The following SDK1 variants were observed in gnomAD, a reference collection of about 807,000 sequenced individuals.
The protein encoded by SDK1 is sidekick cell adhesion molecule 1.
In SDK1, 157 loss-of-function variants were observed where a neutral mutation model predicts 245.5. The observed-to-expected ratio is 0.64, with a 90% CI of 0.56 to 0.73. The LOEUF (loss-of-function observed/expected upper bound fraction) is 0.73, where lower values mean the gene tolerates loss of function less well. Among genes scored for constraint, SDK1 ranks in the 30% least tolerant of loss-of-function variants. SDK1 has a pLI of 0.00. For synonymous variants in SDK1, 1,647 were observed against 1,278.5 expected (o/e 1.29, Z -6.15); for missense variants, 3,583 against 3,002.3 (o/e 1.19, Z -4.52).
At chr7:3,459,796 G>A (rs984842871) in intron 1 of SDK1, among the ~76,000 whole-genome samples, 7 of 152,120 alleles carry the variant, frequency 4.6e-5, no homozygotes, top group South Asian at 4.2e-4. Flanking sequence ...CTGGGGTAGG[G>A]GCCTTCCCTT....
At chr7:4,090,772 A>C (rs148182894) in intron 22 of SDK1, among the ~76,000 whole-genome samples, 37 of 152,334 alleles carry the variant, frequency 2.4e-4, no homozygotes, top group African/African-American at 7.2e-4. Context: ...CACTGCTCCC[A>C]GCTAGGAAAT....
At chr7:4,059,968 C>T (rs1397424672) in intron 19 of SDK1, among the ~76,000 whole-genome samples, 1 of 151,876 alleles carries the variant, frequency 6.6e-6, no homozygotes, top group African/African-American at 2.4e-5. Context: ...CAAGCTCCGC[C>T]TCCCAGGTTC....
At chr7:3,466,693 G>C (rs1170435185) in intron 1 of SDK1, among the ~76,000 whole-genome samples, 1 of 151,126 alleles carries the variant, frequency 6.6e-6, no homozygotes, top group Admixed American at 6.6e-5. Flanking sequence ...TTCTTTTGTA[G>C]CATTTGCTAA....
intron 4 of SDK1, among the ~76,000 whole-genome samples, chr7:3,714,351 G>A (rs1785137984): frequency 6.6e-6 from 1 of 152,174 alleles, no homozygotes; most frequent in Non-Finnish European, 1.5e-5. Context: ...TGTGAAAGGA[G>A]CTTTAGAATG....
At chr7:3,456,541 GTTCT>G (rs1178403425) in intron 1 of SDK1, among the ~76,000 whole-genome samples, 4 of 151,992 alleles carry the variant, frequency 2.6e-5, no homozygotes, top group Admixed American at 2.6e-4. Context: ...GTATTTTTCA[GTTCT>G]TTAACTTTCA....
At position 4,013,585 on chromosome 7, in the gene SDK1, C is replaced by T. The variant is rs115153849; in HGVS notation, c.2420+1350C>T. Reference sequence around the variant, plus strand: ...CATTATCCTTGTGTATGAAGGGCAACGCCTTCCCTGTATATATGTGTATAG... The same window carrying T: ...CATTATCCTTGTGTATGAAGGGCAATGCCTTCCCTGTATATATGTGTATAG... On this transcript the variant is annotated intron_variant, in intron 16 of 44. Coordinates refer to ENST00000404826, the MANE Select transcript of SDK1 (RefSeq NM_152744.4). 4.8e-3 allele frequency among the ~76,000 whole-genome samples: 733 copies of T among 152,308 alleles called. 7 individuals are homozygous for T. Among genetic ancestry groups the T allele is most frequent in the African/African-American group, 0.017 (690 of 41,568 alleles).
intron 4 of SDK1, among the ~76,000 whole-genome samples, chr7:3,782,388 A>G (rs1406125451): frequency 6.6e-6 from 1 of 152,158 alleles, no homozygotes; most frequent in Non-Finnish European, 1.5e-5. Context: ...ATCAGGCCTC[A>G]CCTCCAAGAA....
At chr7:4,129,697 A>T in intron 26 of SDK1, 1 of 1,398,646 alleles carries the variant, frequency 7.1e-7, no homozygotes, top group South Asian at 1.6e-5. Context: ...GCACTAACTC[A>T]AGCTCCCCTG....
chr7:3,432,722 C>T (rs878929045), intron 1 of SDK1, among the ~76,000 whole-genome samples: 8 of 152,170 alleles, frequency 5.3e-5, no homozygotes, highest in East Asian at 3.9e-4. Context: ...TTGATTGATC[C>T]GGTTGTGAAA....
intron 1 of SDK1, among the ~76,000 whole-genome samples, chr7:3,352,664 T>A (rs974305549): frequency 9.9e-5 from 15 of 152,198 alleles, no homozygotes; most frequent in Non-Finnish European, 1.9e-4. Flanking sequence ...ATACACTGTT[T>A]GGGGTTTTAC....
At chr7:3,762,071 A>G (rs964330635) in intron 4 of SDK1, among the ~76,000 whole-genome samples, 4 of 152,250 alleles carry the variant, frequency 2.6e-5, no homozygotes, top group African/African-American at 7.2e-5. Flanking sequence ...CAAATTATTT[A>G]TAGAGGTTAA....
At chr7:3,714,497 C>T (rs1213826891) in intron 4 of SDK1, among the ~76,000 whole-genome samples, 1 of 152,116 alleles carries the variant, frequency 6.6e-6, no homozygotes, top group Non-Finnish European at 1.5e-5. Flanking sequence ...AAGTTTATCC[C>T]ATTTGCTCAT....
intron 38 of SDK1, among the ~76,000 whole-genome samples, chr7:4,219,077 C>T (rs1784994730): frequency 6.6e-6 from 1 of 152,140 alleles, no homozygotes. Context: ...TTATAACATC[C>T]CATAGGTTTG....
chr7:3,412,471 G>A (rs777883579), intron 1 of SDK1, among the ~76,000 whole-genome samples: 6 of 152,094 alleles, frequency 3.9e-5, no homozygotes, highest in Non-Finnish European at 5.9e-5. Context: ...TTGTTAAATG[G>A]CACTGCAAAA....
rs536189212 is a variant in SDK1, at chr7:3,756,314, C to A, written c.714-65136C>A. Reference sequence around the variant, plus strand: ...GATGTTTTGACCCTGACTCCTTTCACATGGCATAGCACGTGTGACACATGC... The same window carrying A: ...GATGTTTTGACCCTGACTCCTTTCAAATGGCATAGCACGTGTGACACATGC... On this transcript the variant is annotated intron_variant, in intron 4 of 44. Transcript: ENST00000404826. Among the ~76,000 whole-genome samples the A allele has an allele frequency of 1.7e-3, 256 of 151,756 alleles. 1 individual carries two copies. The highest frequency in any genetic ancestry group is 6.1e-3 in the African/African-American group (250 of 41,252).
intron 4 of SDK1, among the ~76,000 whole-genome samples, chr7:3,678,635 A>G (rs1562650983): frequency 6.6e-6 from 1 of 152,078 alleles, no homozygotes; most frequent in Non-Finnish European, 1.5e-5. Context: ...GGGGAGGGAG[A>G]GATGGGAGTT....
At chr7:4,077,256 T>C (rs1446793413) in intron 21 of SDK1, 67 bp downstream of exon 21, 5 of 1,479,156 alleles carry the variant, frequency 3.4e-6, no homozygotes, top group African/African-American at 2.8e-5. Context: ...GGCTAGAAGT[T>C]GATTGGCACT....
At chr7:3,679,123 C>G (rs1583299526) in intron 4 of SDK1, among the ~76,000 whole-genome samples, 1 of 152,162 alleles carries the variant, frequency 6.6e-6, no homozygotes, top group South Asian at 2.1e-4. Flanking sequence ...AAAGTGAAAA[C>G]TTGCTCTGGG....
intron 17 of SDK1, among the ~76,000 whole-genome samples, chr7:4,020,645 T>C (rs564634072): frequency 3.9e-5 from 6 of 152,080 alleles, no homozygotes; most frequent in Non-Finnish European, 7.4e-5. Flanking sequence ...AGGGGGACAG[T>C]GGTGGGGGCG....
Sources: gnomAD v4.1 joint callset for allele counts (sites outside exome capture counted in the v4.1 genomes callset) on GRCh38, gnomAD v4.1.1 for gene constraint, MANE v1.5 for transcripts, NCBI Gene and HGNC (gene_info 2026-07-23, HGNC 2026-07-21) for gene names.